The following KDM6A variants were observed in gnomAD, a reference collection of about 807,000 sequenced individuals.
KDM6A encodes the protein lysine-specific demethylase 6A.
KDM6A carries 11 observed loss-of-function variants against 117.6 expected under a neutral mutation model. The observed-to-expected ratio is 0.09, with a 90% CI of 0.06 to 0.15. The LOEUF (loss-of-function observed/expected upper bound fraction) is 0.15, where lower values mean the gene tolerates loss of function less well. Among genes scored for constraint, KDM6A ranks in the 10% least tolerant of loss-of-function variants. KDM6A has a pLI of 1.00. For synonymous variants in KDM6A, 384 were observed against 396.1 expected, an observed-to-expected ratio of 0.97 and a Z score of 0.36; for missense variants, 799 against 1,077.3, an observed-to-expected ratio of 0.74 and a Z score of 3.62.
At chrX:44,942,038 CTT>C (rs756550740) in intron 2 of KDM6A, among the ~76,000 whole-genome samples, 1 of 100,600 alleles carries the variant, frequency 9.9e-6, no homozygotes, top group Non-Finnish European at 2.0e-5. Context: ...TGTTGAAAGA[CTT>C]TTTTTTTTTT....
At chrX:44,960,758 T>C (rs1269253844) in intron 2 of KDM6A, among the ~76,000 whole-genome samples, 1 of 111,790 alleles carries the variant, frequency 8.9e-6, no homozygotes, top group African/African-American at 3.3e-5. Flanking sequence ...GTATATCATG[T>C]GGAGAAGACA....
In KDM6A at chrX:44,933,934, C is replaced by T. The variant is rs768095606; in HGVS notation, c.226-27350C>T. 3.6e-5 allele frequency among the ~76,000 whole-genome samples: 4 copies of T among 112,504 alleles called. No individual in the cohort carries two copies. The South Asian group carries it at 1.1e-3, about 31-fold the overall frequency. ...ATTTTAAAATCATATTTTCCCATTT[C>T]TGTATCTTTTCAGTATAACAGCTTT... On this transcript the variant is annotated intron_variant, in intron 2 of 29. Transcript: ENST00000611820.
chrX:44,993,387 T>G (rs1289509760), intron 4 of KDM6A, among the ~76,000 whole-genome samples: 2 of 111,226 alleles, frequency 1.8e-5, no homozygotes, highest in African/African-American at 6.6e-5. Context: ...TTGCTTTTTT[T>G]TTATTTGAGA....
chrX:44,939,869 G>T (rs2037191255), intron 2 of KDM6A, among the ~76,000 whole-genome samples: 1 of 111,729 alleles, frequency 9.0e-6, no homozygotes, highest in Non-Finnish European at 1.9e-5. Context: ...TTTTAAATTA[G>T]GTATGTACAT....
chrX:44,929,954 C>T (rs987433289), intron 2 of KDM6A, among the ~76,000 whole-genome samples: 14 of 110,697 alleles, frequency 1.3e-4, no homozygotes, highest in African/African-American at 4.6e-4. Context: ...CACCTAGTAT[C>T]GATTAGTTAT....
intron 2 of KDM6A, among the ~76,000 whole-genome samples, chrX:44,923,725 T>A (rs1302575559): frequency 9.2e-6 from 1 of 108,599 alleles, no homozygotes; most frequent in East Asian, 2.9e-4. Flanking sequence ...GCTGATTGAT[T>A]GATTGATTGA....
rs191052059 is a variant in KDM6A at position 45,066,569 on chromosome X, T to C, written c.2079+2752T>C. Among the ~76,000 whole-genome samples the C allele has an allele frequency of 5.8e-4, 65 of 112,001 alleles. No individual in the cohort carries two copies. In the South Asian group the frequency reaches 0.014, roughly 24 times the overall value. On this transcript the variant is annotated intron_variant, in intron 17 of 29. Coordinates refer to ENST00000611820, the MANE Select transcript of KDM6A (RefSeq NM_001291415.2). ...ATTGTCTTTAAGCATTAAACAGTTGTTAAAAGGATAACACGAGATTTTTGT... is the reference window on the plus strand; with the variant it reads ...ATTGTCTTTAAGCATTAAACAGTTGCTAAAAGGATAACACGAGATTTTTGT...
In KDM6A at chrX:44,873,698, C is replaced by T. The variant is rs766103037; in HGVS notation, c.147C>T (p.Leu49=). Residue 49 remains leucine, a synonymous_variant, in exon 1 of 30, where the codon CTC becomes CTT. Coordinates refer to ENST00000611820, the MANE Select transcript of KDM6A (RefSeq NM_001291415.2). ...PSLTAEEREA[L]GGLDSRLFGF... Reference sequence around the variant, plus strand: ...TGACAGCCGAGGAGAGGGAGGCGCTCGGCGGACTGGACAGGTACGGGCCGC... The same window carrying T: ...TGACAGCCGAGGAGAGGGAGGCGCTTGGCGGACTGGACAGGTACGGGCCGC... 34 of 1,171,249 alleles carry T rather than the reference C, an allele frequency of 2.9e-5. No homozygotes were observed. The highest frequency in any genetic ancestry group is 3.8e-5 in the South Asian group (2 of 53,084).
chrX:44,909,410 T>A (rs1057389529), intron 2 of KDM6A, among the ~76,000 whole-genome samples: 33 of 111,656 alleles, frequency 3.0e-4, no homozygotes, highest in African/African-American at 1.1e-3. Context: ...TTGTATTGTT[T>A]ACTTGCATGG....
intron 2 of KDM6A, among the ~76,000 whole-genome samples, chrX:44,891,910 G>A (rs1280854485): frequency 1.8e-5 from 2 of 112,437 alleles, no homozygotes; most frequent in Admixed American, 1.9e-4. Context: ...AGAGGAACAG[G>A]CTATGTCCTA....
chrX:44,913,494 G>A (rs2035350485), intron 2 of KDM6A, among the ~76,000 whole-genome samples: 1 of 108,817 alleles, frequency 9.2e-6, no homozygotes, highest in Admixed American at 9.9e-5. Flanking sequence ...GTAGAGACTG[G>A]GTTTCACCAT....
chrX:44,941,183 GCT>G (rs1383018047), intron 2 of KDM6A, among the ~76,000 whole-genome samples: 12 of 111,856 alleles, frequency 1.1e-4, no homozygotes, highest in African/African-American at 2.6e-4. Context: ...GTAGTGTTTA[GCT>G]CTGTTTGATT....
intron 6 of KDM6A, among the ~76,000 whole-genome samples, chrX:45,034,620 A>G (rs2042733875): frequency 8.9e-6 from 1 of 111,853 alleles, no homozygotes; most frequent in African/African-American, 3.3e-5. Context: ...ACTGTTGTAT[A>G]ACACTTCCTG....
chrX:44,924,648 G>GGT (rs112587323), intron 2 of KDM6A, among the ~76,000 whole-genome samples: 23,746 of 90,188 alleles, frequency 0.26, 2,874 homozygotes, highest in East Asian at 0.41. Context: ...GGTGGTCCTG[G>GGT]GTGTGTGTGT....
At chrX:44,968,863 G>A (rs1358847563) in intron 3 of KDM6A, among the ~76,000 whole-genome samples, 2 of 109,246 alleles carry the variant, frequency 1.8e-5, no homozygotes, top group Non-Finnish European at 3.8e-5. Context: ...TCAGCTACTT[G>A]AGCGGCTAAG....
intron 4 of KDM6A, among the ~76,000 whole-genome samples, chrX:44,980,410 G>T (rs1296066622): frequency 9.0e-6 from 1 of 110,824 alleles, no homozygotes; most frequent in African/African-American, 3.3e-5. Context: ...GGATTATATT[G>T]GAACTACATG....
intron 2 of KDM6A, among the ~76,000 whole-genome samples, chrX:44,897,655 A>G (rs1028184480): frequency 9.0e-6 from 1 of 111,484 alleles, no homozygotes; most frequent in Non-Finnish European, 1.9e-5. Flanking sequence ...TGTAACCTCA[A>G]ACTCCTGGGC....
At chrX:45,089,670 A>G in intron 25 of KDM6A, 73 bp from the exon 26 acceptor site, 1 of 758,687 alleles carries the variant, frequency 1.3e-6, no homozygotes, top group Admixed American at 2.8e-5. Context: ...AAAATTTGTG[A>G]CATTTTCTTC....
intron 2 of KDM6A, among the ~76,000 whole-genome samples, chrX:44,898,976 C>A (rs977892307): frequency 1.1e-5 from 1 of 95,223 alleles, no homozygotes. Context: ...CTTGGCTCCA[C>A]TGAAACTGCG....
Sources: allele counts gnomAD v4.1 joint callset (sites outside exome capture counted in the v4.1 genomes callset), GRCh38; gene constraint gnomAD v4.1.1; transcripts MANE v1.5; gene names NCBI Gene and HGNC (gene_info 2026-07-23, HGNC 2026-07-21).